The following RIT2 variants were observed in gnomAD, a reference collection of about 807,000 sequenced individuals.
The protein encoded by RIT2 is GTP-binding protein Rit2.
RIT2 carries 24 observed loss-of-function variants against 23.7 expected under a neutral mutation model. The observed-to-expected ratio is 1.01, with a 90% CI of 0.73 to 1.43. The LOEUF is 1.43. Ranked by LOEUF, RIT2 falls within the 40% of genes most tolerant of loss-of-function variation. RIT2 has a pLI of 0.00. For missense variants in RIT2, 236 were observed against 266.9 expected, an observed-to-expected ratio of 0.88 and a Z score of 0.81; for synonymous variants, 107 against 91.1, an observed-to-expected ratio of 1.17 and a Z score of -0.99.
chr18:42,747,097 A>G (rs1043041674), intron 4 of RIT2, among the ~76,000 whole-genome samples: 11 of 152,114 alleles, frequency 7.2e-5, no homozygotes, highest in African/African-American at 2.7e-4. Flanking sequence ...AAACTGGTGA[A>G]GAGGAAGTAA....
intron 1 of RIT2, among the ~76,000 whole-genome samples, chr18:43,098,619 A>G (rs1913609984): frequency 6.6e-6 from 1 of 151,984 alleles, no homozygotes; most frequent in South Asian, 2.1e-4. Flanking sequence ...AATAGCAACA[A>G]TAACAACCAC....
At chr18:42,832,072 A>G (rs961030108) in intron 4 of RIT2, among the ~76,000 whole-genome samples, 3 of 152,214 alleles carry the variant, frequency 2.0e-5, no homozygotes, top group South Asian at 4.1e-4. Context: ...TTAAAGGCAC[A>G]TTCACAGGAG....
chr18:42,983,748 A>G (rs1910647381), intron 2 of RIT2, among the ~76,000 whole-genome samples: 1 of 152,142 alleles, frequency 6.6e-6, no homozygotes, highest in Admixed American at 6.5e-5. Flanking sequence ...AAATAAGCAC[A>G]TGAAAACATG....
intron 1 of RIT2, among the ~76,000 whole-genome samples, chr18:43,112,564 C>T (rs1471715199): frequency 6.6e-6 from 1 of 152,048 alleles, no homozygotes; most frequent in Non-Finnish European, 1.5e-5. Flanking sequence ...GTTGCAAATT[C>T]TTTTAAAAGT....
chr18:42,753,687 G>T, intron 4 of RIT2, among the ~76,000 whole-genome samples: 1 of 152,100 alleles, frequency 6.6e-6, no homozygotes, highest in East Asian at 1.9e-4. Context: ...CATCTTATTT[G>T]CTAACTTGAA....
chr18:42,992,976 C>G (rs972856365), intron 2 of RIT2, among the ~76,000 whole-genome samples: 2 of 152,182 alleles, frequency 1.3e-5, no homozygotes, highest in East Asian at 3.9e-4. Context: ...AACCCCACAA[C>G]AGGACTTAAT....
intron 4 of RIT2, among the ~76,000 whole-genome samples, chr18:42,744,156 C>T (rs1321268066): frequency 3.3e-5 from 5 of 152,032 alleles, no homozygotes; most frequent in African/African-American, 9.7e-5. Context: ...TTTTCCTTTA[C>T]CTACCCAAAT....
At chr18:42,909,394 A>G (rs1908708967) in intron 4 of RIT2, among the ~76,000 whole-genome samples, 1 of 152,136 alleles carries the variant, frequency 6.6e-6, no homozygotes, top group East Asian at 1.9e-4. Flanking sequence ...CAGGTTCATT[A>G]AAATCTCAGA....
chr18:42,890,519 T>A (rs1908142745), intron 4 of RIT2, among the ~76,000 whole-genome samples: 1 of 141,562 alleles, frequency 7.1e-6, no homozygotes, highest in African/African-American at 2.6e-5. Flanking sequence ...GAGGAAGAGA[T>A]GGAAGGAAGG....
At chr18:43,017,269 C>T (rs556442751) in intron 2 of RIT2, among the ~76,000 whole-genome samples, 6 of 152,050 alleles carry the variant, frequency 3.9e-5, no homozygotes, top group Non-Finnish European at 7.4e-5. Flanking sequence ...AATTTGCTTT[C>T]ATCAGCAATC....
intron 4 of RIT2, among the ~76,000 whole-genome samples, chr18:42,896,552 C>T (rs1452429342): frequency 6.6e-6 from 1 of 152,138 alleles, no homozygotes; most frequent in East Asian, 1.9e-4. Flanking sequence ...TTCCCCTGCC[C>T]ACTCTCTCAA....
intron 4 of RIT2, among the ~76,000 whole-genome samples, chr18:42,876,112 G>C (rs778453242): frequency 6.6e-6 from 1 of 151,786 alleles, no homozygotes; most frequent in Non-Finnish European, 1.5e-5. Context: ...TGAACTATAC[G>C]GACTCAAAAA....
At chr18:42,889,666 T>C (rs538115169) in intron 4 of RIT2, among the ~76,000 whole-genome samples, 1 of 152,060 alleles carries the variant, frequency 6.6e-6, no homozygotes, top group Non-Finnish European at 1.5e-5. Flanking sequence ...AGAAAAGTCA[T>C]TTTGTGATGG....
intron 4 of RIT2, among the ~76,000 whole-genome samples, chr18:42,868,309 T>C (rs1907527742): frequency 6.6e-6 from 1 of 152,180 alleles, no homozygotes. Flanking sequence ...AATTGCTCCT[T>C]AGTTTTCATT....
At chr18:42,950,965 G>A (rs976094286) in intron 3 of RIT2, among the ~76,000 whole-genome samples, 3 of 151,870 alleles carry the variant, frequency 2.0e-5, no homozygotes, top group African/African-American at 7.3e-5. Context: ...ACACCCTACT[G>A]GTGGGAAAGG....
intron 1 of RIT2, among the ~76,000 whole-genome samples, chr18:43,046,489 C>T (rs750423938): frequency 5.9e-5 from 9 of 152,176 alleles, no homozygotes; most frequent in Non-Finnish European, 8.8e-5. Flanking sequence ...CTGAGATGAG[C>T]TCTGCCTAAA....
intron 1 of RIT2, among the ~76,000 whole-genome samples, chr18:43,034,129 A>G (rs1267747782): frequency 6.6e-6 from 1 of 152,160 alleles, no homozygotes; most frequent in African/African-American, 2.4e-5. Context: ...TAGAGTAAAA[A>G]TAAAGAAGCT....
intron 2 of RIT2, among the ~76,000 whole-genome samples, chr18:42,999,532 G>C (rs1403164987): frequency 1.3e-5 from 2 of 152,038 alleles, no homozygotes; most frequent in African/African-American, 4.8e-5. Flanking sequence ...GGGCAAAAGA[G>C]GTTGTTTCCA....
chr18:43,104,010 G>A (rs1019105089), intron 1 of RIT2, among the ~76,000 whole-genome samples: 2 of 152,130 alleles, frequency 1.3e-5, no homozygotes, highest in African/African-American at 4.8e-5. Context: ...ACTACGCACA[G>A]TAACTGAGAT....
Sources: allele counts gnomAD v4.1 joint callset (sites outside exome capture counted in the v4.1 genomes callset), GRCh38; gene constraint gnomAD v4.1.1; transcripts MANE v1.5; gene names NCBI Gene and HGNC (gene_info 2026-07-23, HGNC 2026-07-21).